EDA: variants seen among roughly 807,000 people sequenced by gnomAD.
EDA encodes ectodysplasin-A.
In EDA, 2 loss-of-function variants were observed where a neutral mutation model predicts 23.6. The ratio of observed to expected loss-of-function variants is 0.08; its 90% CI spans 0.03 to 0.27. The LOEUF is 0.27. EDA is among the 10% of genes least tolerant of loss of function. EDA has a pLI of 1.00. For synonymous variants in EDA, 131 were observed against 132.0 expected (o/e 0.99, Z 0.05); for missense variants, 229 against 324.2 (o/e 0.71, Z 2.26).
intron 1 of EDA, among the ~76,000 whole-genome samples, chrX:69,734,374 A>C (rs1208836220): frequency 9.0e-6 from 1 of 111,554 alleles, no homozygotes; most frequent in African/African-American, 3.3e-5. Flanking sequence ...TGGTCTTTTC[A>C]TAGGACCAGC....
intron 1 of EDA, among the ~76,000 whole-genome samples, chrX:69,785,607 G>A (rs187927420): frequency 0.073 from 8,010 of 109,993 alleles, 250 homozygotes; most frequent in Middle Eastern, 0.09. Flanking sequence ...ATTGATTTGC[G>A]CATATTGAAC....
At chrX:69,640,088 C>CT (rs1932823563) in intron 1 of EDA, among the ~76,000 whole-genome samples, 1 of 111,378 alleles carries the variant, frequency 9.0e-6, no homozygotes. Flanking sequence ...TATTTCTGGT[C>CT]TTTTTGTTTT....
intron 1 of EDA, among the ~76,000 whole-genome samples, chrX:69,811,020 C>T (rs1046507717): frequency 2.7e-5 from 3 of 111,804 alleles, no homozygotes; most frequent in Non-Finnish European, 3.8e-5. Flanking sequence ...GGATGGCATA[C>T]GCAGTAGCAG....
At chrX:69,786,835 C>A (rs996063732) in intron 1 of EDA, among the ~76,000 whole-genome samples, 1 of 110,329 alleles carries the variant, frequency 9.1e-6, no homozygotes, top group African/African-American at 3.3e-5. Context: ...AGTTCAATTC[C>A]TCGGTATCCT....
At chrX:69,961,441 C>G (rs1347283504) in intron 2 of EDA, among the ~76,000 whole-genome samples, 1 of 112,006 alleles carries the variant, frequency 8.9e-6, no homozygotes, top group Admixed American at 9.5e-5. Context: ...GCTGCAGAAG[C>G]CTATTTTCCT....
At chrX:69,786,814 G>T (rs1189993335) in intron 1 of EDA, among the ~76,000 whole-genome samples, 2 of 111,129 alleles carry the variant, frequency 1.8e-5, no homozygotes, top group African/African-American at 6.5e-5. Context: ...GGTCCGCTTG[G>T]TGCAGAGCTG....
chrX:69,864,681 A>T (rs1480339044), intron 1 of EDA, among the ~76,000 whole-genome samples: 2 of 112,230 alleles, frequency 1.8e-5, no homozygotes, highest in Non-Finnish European at 3.8e-5. Context: ...ACCAGAAAAA[A>T]GTGAAGTCCA....
intron 2 of EDA, among the ~76,000 whole-genome samples, chrX:69,961,960 A>G (rs1317601708): frequency 6.3e-5 from 7 of 111,946 alleles, no homozygotes; most frequent in Non-Finnish European, 1.3e-4. Flanking sequence ...TCTCTTGCAC[A>G]GCACTCCAGA....
intron 2 of EDA, among the ~76,000 whole-genome samples, chrX:70,002,436 C>T (rs1417640507): frequency 9.0e-6 from 1 of 111,111 alleles, no homozygotes; most frequent in Non-Finnish European, 1.9e-5. Flanking sequence ...CTCTAACTGA[C>T]GTTCTGCAGC....
intron 1 of EDA, among the ~76,000 whole-genome samples, chrX:69,817,894 T>A (rs370018462): frequency 1.8e-5 from 2 of 111,658 alleles, no homozygotes; most frequent in South Asian, 3.8e-4. Flanking sequence ...TCTACAGAAC[T>A]CTCCACCTCA....
At chrX:70,001,808 A>G (rs777399031) in intron 2 of EDA, among the ~76,000 whole-genome samples, 1 of 112,184 alleles carries the variant, frequency 8.9e-6, no homozygotes, top group African/African-American at 3.2e-5. Flanking sequence ...AGAGCTGGAG[A>G]TGGAATACTC....
At chrX:69,903,565 A>C (rs1196087547) in intron 1 of EDA, among the ~76,000 whole-genome samples, 1 of 101,340 alleles carries the variant, frequency 9.9e-6, no homozygotes, top group African/African-American at 3.7e-5. Context: ...CATCACCCCT[A>C]CCAGGCCCCC....
intron 1 of EDA, among the ~76,000 whole-genome samples, chrX:69,820,371 A>G (rs1326795839): frequency 8.9e-6 from 1 of 112,296 alleles, no homozygotes; most frequent in East Asian, 2.8e-4. Flanking sequence ...AAGCAATTGC[A>G]ACAAAAGCAA....
At chrX:69,745,000 G>A (rs1251346706) in intron 1 of EDA, among the ~76,000 whole-genome samples, 3 of 111,072 alleles carry the variant, frequency 2.7e-5, no homozygotes, top group Non-Finnish European at 3.8e-5. Flanking sequence ...TTTCCTCTTC[G>A]CTTTGGACTT....
At chrX:69,675,837 T>A (rs897433028) in intron 1 of EDA, among the ~76,000 whole-genome samples, 13 of 111,139 alleles carry the variant, frequency 1.2e-4, no homozygotes, top group Admixed American at 3.9e-4. Context: ...CAAGACAGGA[T>A]GTGTATGTAT....
At chrX:69,897,248 A>G (rs758030127) in intron 1 of EDA, among the ~76,000 whole-genome samples, 1 of 111,318 alleles carries the variant, frequency 9.0e-6, no homozygotes, top group South Asian at 3.8e-4. Context: ...AATAAATACC[A>G]TCATTGAACT....
intron 1 of EDA, among the ~76,000 whole-genome samples, chrX:69,784,048 G>A (rs1449900006): frequency 9.3e-6 from 1 of 107,706 alleles, no homozygotes; most frequent in Admixed American, 1.0e-4. Flanking sequence ...GCCAGTGATG[G>A]TGAGCATTTT....
At chrX:69,991,965 T>G (rs886246114) in intron 2 of EDA, among the ~76,000 whole-genome samples, 1 of 112,286 alleles carries the variant, frequency 8.9e-6, no homozygotes, top group African/African-American at 3.2e-5. Flanking sequence ...GAGGATGGGT[T>G]AGCCTGCTCC....
At chrX:69,630,579 G>A (rs1416339520) in intron 1 of EDA, among the ~76,000 whole-genome samples, 4 of 112,088 alleles carry the variant, frequency 3.6e-5, no homozygotes, top group South Asian at 3.7e-4. Context: ...TGTCTCCTTC[G>A]CACTGTCTTT....
Sources: gnomAD v4.1 joint callset for allele counts (sites outside exome capture counted in the v4.1 genomes callset) on GRCh38, gnomAD v4.1.1 for gene constraint, MANE v1.5 for transcripts, NCBI Gene and HGNC (gene_info 2026-07-23, HGNC 2026-07-21) for gene names.